The following LUZP2 variants were observed in gnomAD, a reference collection of about 807,000 sequenced individuals.
LUZP2 encodes leucine zipper protein 2.
A neutral mutation model predicts 51.6 loss-of-function variants in LUZP2; 52 were observed. The observed-to-expected ratio is 1.01, with a 90% CI of 0.81 to 1.27. The LOEUF (loss-of-function observed/expected upper bound fraction) is 1.27. Among genes scored for constraint, LUZP2 ranks in the 50% most tolerant of loss-of-function variants. The pLI is 0.00. For missense variants in LUZP2, 436 were observed against 395.4 expected, an observed-to-expected ratio of 1.10 and a Z score of -0.87; for synonymous variants, 154 against 137.3, an observed-to-expected ratio of 1.12 and a Z score of -0.85.
chr11:24,996,207 GT>G (rs962191166), intron 9 of LUZP2, among the ~76,000 whole-genome samples: 7 of 151,036 alleles, frequency 4.6e-5, no homozygotes, highest in Non-Finnish European at 1.0e-4. Context: ...CATGTTTCAT[GT>G]TTTTTGACTG....
chr11:24,568,548 A>T (rs1255118651), intron 1 of LUZP2, among the ~76,000 whole-genome samples: 1 of 152,004 alleles, frequency 6.6e-6, no homozygotes, highest in Admixed American at 6.6e-5. Context: ...GTAAAAATTG[A>T]CAGAATTGAA....
At chr11:24,540,945 A>G (rs1289436910) in intron 1 of LUZP2, among the ~76,000 whole-genome samples, 1 of 152,128 alleles carries the variant, frequency 6.6e-6, no homozygotes, top group Non-Finnish European at 1.5e-5. Context: ...TGTAAACGTG[A>G]CACTTTAAGA....
At chr11:25,025,388 T>C (rs1467096404) in intron 9 of LUZP2, among the ~76,000 whole-genome samples, 1 of 152,016 alleles carries the variant, frequency 6.6e-6, no homozygotes, top group Non-Finnish European at 1.5e-5. Context: ...ATTCTTACAA[T>C]CTACCCATCT....
At chr11:25,028,639 AC>A (rs917466332) in intron 9 of LUZP2, among the ~76,000 whole-genome samples, 1 of 151,178 alleles carries the variant, frequency 6.6e-6, no homozygotes, top group Non-Finnish European at 1.5e-5. Context: ...AGAATCGTGT[AC>A]CATTTTTTAT....
intron 7 of LUZP2, among the ~76,000 whole-genome samples, chr11:24,932,609 C>T (rs946193912): frequency 2.0e-5 from 3 of 152,130 alleles, no homozygotes; most frequent in African/African-American, 7.2e-5. Context: ...CAGCCTCACC[C>T]AGCTCGCACA....
At chr11:24,574,181 C>A (rs201124295) in intron 1 of LUZP2, among the ~76,000 whole-genome samples, 1 of 78,480 alleles carries the variant, frequency 1.3e-5, no homozygotes, top group African/African-American at 4.2e-5. Flanking sequence ...TTCTTTCTTT[C>A]TTTTCTTTCT....
At chr11:24,647,312 TA>T (rs1181274104) in intron 1 of LUZP2, among the ~76,000 whole-genome samples, 1 of 151,928 alleles carries the variant, frequency 6.6e-6, no homozygotes, top group Non-Finnish European at 1.5e-5. Flanking sequence ...CAGAATGTAT[TA>T]ATAAAATTTA....
intron 10 of LUZP2, among the ~76,000 whole-genome samples, chr11:25,076,031 G>T: frequency 6.6e-6 from 1 of 150,806 alleles, no homozygotes; most frequent in Admixed American, 6.6e-5. Flanking sequence ...ATTCTTTTTT[G>T]AGACAGGATC....
chr11:24,725,374 C>G lies in LUZP2; in HGVS notation c.63-3795C>G, dbSNP rs552248024. On this transcript the variant is annotated intron_variant, in intron 1 of 11. Transcript: ENST00000336930. ...AATCGTGTTAGGACAACTGGCTATC[C>G]ATATTTAAGTTATAGTACCCCTTCC... Among the ~76,000 whole-genome samples, 6 of 152,076 alleles carry G rather than the reference C, an allele frequency of 3.9e-5. No individual in the cohort carries two copies. In the South Asian group the frequency reaches 1.2e-3, roughly 32 times the overall value.
At chr11:25,017,061 T>C (rs533282622) in intron 9 of LUZP2, among the ~76,000 whole-genome samples, 7 of 152,108 alleles carry the variant, frequency 4.6e-5, no homozygotes, top group Non-Finnish European at 1.0e-4. Flanking sequence ...TGTTGGCCAT[T>C]TGTATATCTT....
intron 5 of LUZP2, among the ~76,000 whole-genome samples, chr11:24,827,972 A>T (rs1245043433): frequency 6.6e-6 from 1 of 152,052 alleles, no homozygotes; most frequent in Non-Finnish European, 1.5e-5. Flanking sequence ...TGACATTTAG[A>T]GTTTGCTGTA....
rs530274681 is a variant in LUZP2, at chr11:24,974,290, A to G, written c.523-2301A>G. On this transcript the variant is annotated intron_variant, in intron 7 of 11. Coordinates refer to ENST00000336930, the MANE Select transcript of LUZP2 (RefSeq NM_001009909.4). ...TTTGTGTTTTTCATTTGCTTGGTAA[A>G]TTTTCCTCCATCCATTTATTTTGAA... Among the ~76,000 whole-genome samples the G allele has an allele frequency of 2.6e-5, 4 of 151,734 alleles. No homozygotes were observed. In the South Asian group the frequency reaches 8.3e-4, roughly 32 times the overall value.
chr11:24,630,827 TG>T (rs922514125), intron 1 of LUZP2, among the ~76,000 whole-genome samples: 1 of 151,958 alleles, frequency 6.6e-6, no homozygotes, highest in African/African-American at 2.4e-5. Flanking sequence ...TTCTGATCTA[TG>T]AGCATGGGGT....
intron 9 of LUZP2, among the ~76,000 whole-genome samples, chr11:24,997,305 G>A (rs192453618): frequency 3.3e-5 from 5 of 152,030 alleles, no homozygotes; most frequent in Admixed American, 6.6e-5. Context: ...TTTAATGATC[G>A]CCATTCTAAC....
chr11:24,865,726 A>G (rs11028238), intron 5 of LUZP2, among the ~76,000 whole-genome samples: 22,974 of 96,036 alleles, frequency 0.24, 1,900 homozygotes, highest in African/African-American at 0.27. Context: ...ATATATATAT[A>G]TGTGTGTGTG....
intron 7 of LUZP2, among the ~76,000 whole-genome samples, chr11:24,947,668 G>A (rs1854938017): frequency 6.6e-6 from 1 of 151,966 alleles, no homozygotes; most frequent in South Asian, 2.1e-4. Context: ...AATTCTCAGT[G>A]TTTGTTCATC....
At chr11:24,988,899 A>G (rs1011346592) in intron 9 of LUZP2, among the ~76,000 whole-genome samples, 6 of 151,858 alleles carry the variant, frequency 4.0e-5, no homozygotes, top group East Asian at 1.9e-4. Flanking sequence ...GGATTTTTGT[A>G]TTGTGTTGTG....
At chr11:24,580,613 T>A (rs11822094) in intron 1 of LUZP2, among the ~76,000 whole-genome samples, 1 of 151,876 alleles carries the variant, frequency 6.6e-6, no homozygotes, top group Non-Finnish European at 1.5e-5. Context: ...AAAAAAAAAA[T>A]TAAAATGAGC....
chr11:24,848,109 G>A (rs1300270522), intron 5 of LUZP2, among the ~76,000 whole-genome samples: 1 of 148,456 alleles, frequency 6.7e-6, no homozygotes, highest in Non-Finnish European at 1.5e-5. Context: ...ATTAGCTCTA[G>A]ACCTTCTCAG....
Sources: allele counts gnomAD v4.1 joint callset (sites outside exome capture counted in the v4.1 genomes callset), GRCh38; gene constraint gnomAD v4.1.1; transcripts MANE v1.5; gene names NCBI Gene and HGNC (gene_info 2026-07-23, HGNC 2026-07-21).